The following RPRD1A variants were observed in gnomAD, a reference collection of about 807,000 sequenced individuals.
RPRD1A encodes regulation of nuclear pre-mRNA domain containing 1A.
A neutral mutation model predicts 37.8 loss-of-function variants in RPRD1A; 9 were observed. The ratio of observed to expected loss-of-function variants is 0.24; its 90% confidence interval spans 0.14 to 0.42. The LOEUF is 0.42. Ranked by LOEUF, RPRD1A falls within the 10% of genes least tolerant of loss-of-function variation. RPRD1A has a pLI of 1.00. For synonymous variants in RPRD1A, 138 were observed against 139.7 expected, an observed-to-expected ratio of 0.99 and a Z score of 0.08; for missense variants, 255 against 371.0, an observed-to-expected ratio of 0.69 and a Z score of 2.57.
chr18:36,024,560 T>C (rs1011727868), intron 6 of RPRD1A, among the ~76,000 whole-genome samples: 3 of 152,208 alleles, frequency 2.0e-5, no homozygotes, highest in African/African-American at 7.2e-5. Context: ...TTTCATTCAT[T>C]ACACATGCTT....
At position 35,993,050 on chromosome 18, in the gene RPRD1A, G is replaced by T. The variant is rs1168693677; in HGVS notation, c.*101C>A. 4.0e-6 allele frequency: 4 copies of T among 1,004,854 alleles called. No individual in the cohort carries two copies. The highest frequency in any genetic ancestry group is 6.0e-5 in the Admixed American group (2 of 33,462). 62.2% of individuals were successfully genotyped at this position (1,004,854 alleles called of 1,614,324 possible). A position where few individuals can be genotyped will look rare whatever the true frequency, so the allele number is the denominator to read the frequency against. Reference sequence around the variant, plus strand: ...ATTACTCGTTGTTCCTTTTGTTAGTGTTTCTTTCTCAACAATATACAAAAA... The same window carrying T: ...ATTACTCGTTGTTCCTTTTGTTAGTTTTTCTTTCTCAACAATATACAAAAA... On this transcript the variant is annotated 3_prime_UTR_variant, in exon 7 of 7. Coordinates refer to ENST00000399022, the MANE Select transcript of RPRD1A (RefSeq NM_018170.5).
intron 1 of RPRD1A, among the ~76,000 whole-genome samples, chr18:36,048,360 C>A (rs1008524696): frequency 9.9e-5 from 15 of 152,150 alleles, no homozygotes; most frequent in African/African-American, 3.6e-4. Context: ...GCCACCGCAC[C>A]CGGCCAAATG....
rs1030238103 is a variant in RPRD1A, at chr18:36,042,018, A to G, written c.152-8181T>C. Reference sequence around the variant, plus strand: ...ATGGATCCTGTCAATTCTTGCTTACAAGCCTTTGAAGATTTTCTATTGTTT... The same window carrying G: ...ATGGATCCTGTCAATTCTTGCTTACGAGCCTTTGAAGATTTTCTATTGTTT... On this transcript the variant is annotated intron_variant, in intron 1 of 6. Coordinates refer to ENST00000399022, the MANE Select transcript of RPRD1A (RefSeq NM_018170.5). Among the ~76,000 whole-genome samples the G allele has an allele frequency of 7.9e-5, 12 of 152,344 alleles. No homozygotes were observed. The East Asian group carries it at 2.3e-3, about 29-fold the overall frequency.
chr18:36,058,598 TA>T (rs1447739690), intron 1 of RPRD1A, among the ~76,000 whole-genome samples: 1 of 152,188 alleles, frequency 6.6e-6, no homozygotes, highest in Non-Finnish European at 1.5e-5. Context: ...GGAAATTTTA[TA>T]AATTCAGTTT....
At chr18:36,005,179 T>G (rs1598601127) in intron 6 of RPRD1A, among the ~76,000 whole-genome samples, 1 of 152,060 alleles carries the variant, frequency 6.6e-6, no homozygotes, top group Admixed American at 6.5e-5. Context: ...CGGGCGCCTG[T>G]AGTCCCAGCT....
chr18:35,993,253 G>A lies in RPRD1A; in HGVS notation c.837C>T (p.Leu279=), dbSNP rs746419153. The change falls in exon 7 of 7, where the codon CTC becomes CTT. Residue 279 remains leucine, a synonymous_variant. Coordinates refer to ENST00000399022, the MANE Select transcript of RPRD1A (RefSeq NM_018170.5). ...CTGGCAGGCTCTGGATCCGGGACCT[G>A]AGTTCTTTGCGCACCAGGGAAACTC... ...LARVSLVRKE[L]RSRIQSLPDL... 8 of 1,614,170 alleles carry A rather than the reference G, an allele frequency of 5.0e-6. No homozygotes were observed. In the Admixed American group the frequency reaches 1.3e-4, roughly 27 times the overall value.
chr18:36,030,882 G>A lies in RPRD1A; in HGVS notation c.412C>T (p.Arg138Ter), dbSNP rs1406061908. The A allele has an allele frequency of 6.2e-7, 1 of 1,611,908 alleles. No homozygotes were observed. Among genetic ancestry groups the A allele is most frequent in the South Asian group, 1.1e-5 (1 of 90,804 alleles). Residue 138 changes from arginine to a stop codon, truncating the protein, a stop_gained, in exon 4 of 7, where the codon CGA becomes TGA. Transcript: ENST00000399022. LOFTEE classifies it high-confidence loss of function. ...ALYGDKKPRK[R>*]TYEQIKVDEN... The stretch of plus-strand genomic sequence containing the variant: ...TCCACCTTTATCTGTTCATAAGTTC[G>A]CTTCCTAGGCTTCTTATCACCATCT...
Position 35,993,293 on chromosome 18 carries a change from T to C in RPRD1A, c.797A>G (p.Lys266Arg). The C allele has an allele frequency of 6.2e-7, 1 of 1,614,100 alleles. No individual in the cohort carries two copies. The highest frequency in any genetic ancestry group is 1.1e-5 in the South Asian group (1 of 91,080). Reference sequence around the variant, plus strand: ...CAGGGAAACTCTGGCTAGCTTGCGCTTGTACTCCTGTAACATCAAACCACT... The same window carrying C: ...CAGGGAAACTCTGGCTAGCTTGCGCCTGTACTCCTGTAACATCAAACCACT... ...AEKEHKLEEYKRKLARVSLVR... is the reference protein window; with the variant it reads ...AEKEHKLEEYRRKLARVSLVR... Residue 266 changes from lysine to arginine, a missense_variant, in exon 7 of 7, where the codon AAG becomes AGG. Physicochemically the swap from Lys to Arg is conservative, Grantham distance 26. Transcript: ENST00000399022.
intron 1 of RPRD1A, among the ~76,000 whole-genome samples, chr18:36,052,373 A>T (rs563000196): frequency 6.6e-6 from 1 of 152,092 alleles, no homozygotes; most frequent in African/African-American, 2.4e-5. Flanking sequence ...AACGAACATC[A>T]ATAAAGGTAA....
intron 6 of RPRD1A, among the ~76,000 whole-genome samples, chr18:36,000,777 T>C (rs940703270): frequency 2.6e-5 from 4 of 152,128 alleles, no homozygotes; most frequent in African/African-American, 9.7e-5. Context: ...ATTAAGAAAC[T>C]TCACCCAAAG....
chr18:36,024,629 T>G (rs544418586), intron 6 of RPRD1A, among the ~76,000 whole-genome samples: 1 of 152,324 alleles, frequency 6.6e-6, no homozygotes, highest in South Asian at 2.1e-4. Flanking sequence ...TACTTTAAAT[T>G]TATGTTCCAT....
chr18:36,040,705 C>A, intron 1 of RPRD1A: 1 of 586,616 alleles, frequency 1.7e-6, no homozygotes, highest in Non-Finnish European at 2.8e-6. Context: ...TTTCATTTTT[C>A]TATGCAGTAC....
At chr18:36,047,274 A>C (rs1913027853) in intron 1 of RPRD1A, among the ~76,000 whole-genome samples, 1 of 152,116 alleles carries the variant, frequency 6.6e-6, no homozygotes, top group African/African-American at 2.4e-5. Flanking sequence ...TAACTAGCAT[A>C]TAAAATATGT....
At chr18:36,066,367 TTGA>T (rs1267763160) in intron 1 of RPRD1A, among the ~76,000 whole-genome samples, 2 of 152,224 alleles carry the variant, frequency 1.3e-5, no homozygotes, top group East Asian at 3.8e-4. Flanking sequence ...CCTTTAACAC[TTGA>T]TAAAAAACCA....
chr18:36,052,683 C>G (rs924463926), intron 1 of RPRD1A, among the ~76,000 whole-genome samples: 1 of 152,114 alleles, frequency 6.6e-6, no homozygotes, highest in Non-Finnish European at 1.5e-5. Flanking sequence ...ACTGCAACCT[C>G]CACCTCCCGA....
Position 35,991,480 on chromosome 18 carries a change from T to A in RPRD1A, c.*1671A>T, listed in dbSNP as rs1380660161. On this transcript the variant is annotated 3_prime_UTR_variant, in exon 7 of 7. Transcript: ENST00000399022. ...ACAAATGCTGGTCAGGATCTATGAT[T>A]AGTAACCTGTGAACCACGTTACAAG... is the stretch of plus-strand genomic sequence containing the variant. 6.6e-6 allele frequency: 1 copy of A among 152,210 alleles called. No homozygotes were observed. Among genetic ancestry groups the A allele is most frequent in the African/African-American group, 2.4e-5 (1 of 41,432 alleles). 9.4% of individuals were successfully genotyped at this position (152,210 alleles called of 1,614,324 possible).
chr18:35,999,407 A>G (rs1434355683), intron 6 of RPRD1A, among the ~76,000 whole-genome samples: 2 of 152,206 alleles, frequency 1.3e-5, no homozygotes, highest in Admixed American at 1.3e-4. Context: ...GAAGTGCTAT[A>G]TAATTGTGGT....
chr18:36,023,830 GA>G (rs1911172916), intron 6 of RPRD1A, among the ~76,000 whole-genome samples: 1 of 152,148 alleles, frequency 6.6e-6, no homozygotes, highest in Non-Finnish European at 1.5e-5. Flanking sequence ...TTTTAACTAA[GA>G]TACGTACATT....
intron 6 of RPRD1A, chr18:36,025,274 G>A (rs934847577): frequency 5.2e-6 from 1 of 193,238 alleles, no homozygotes; most frequent in Non-Finnish European, 1.1e-5. Flanking sequence ...TATCAAATGT[G>A]GATAATACAT....
Sources: gnomAD v4.1 joint callset for allele counts (sites outside exome capture counted in the v4.1 genomes callset) on GRCh38, gnomAD v4.1.1 for gene constraint, MANE v1.5 for transcripts, NCBI Gene and HGNC (gene_info 2026-07-23, HGNC 2026-07-21) for gene names.